Variants in TSGA10 observed in about 807,000 individuals in gnomAD.
TSGA10 encodes testis specific 10, also known as testis-specific gene 10 protein.
In TSGA10, 43 loss-of-function variants were observed where a neutral mutation model predicts 96.6. The observed-to-expected ratio is 0.44, with a 90% CI of 0.35 to 0.57. The LOEUF (loss-of-function observed/expected upper bound fraction) is 0.57, where lower values mean the gene tolerates loss of function less well. Ranked by LOEUF, TSGA10 falls within the 20% of genes least tolerant of loss-of-function variation. TSGA10 has a pLI of 0.01. For synonymous variants in TSGA10, 229 were observed against 269.9 expected, an observed-to-expected ratio of 0.85 and a Z score of 1.48; for missense variants, 703 against 834.4, an observed-to-expected ratio of 0.84 and a Z score of 1.94.
At chr2:99,129,877 A>G (rs182212949) in intron 1 of TSGA10, among the ~76,000 whole-genome samples, 10 of 152,294 alleles carry the variant, frequency 6.6e-5, no homozygotes, top group Non-Finnish European at 1.2e-4. Context: ...TATGAGTAAG[A>G]ACATGCTGTG....
chr2:99,061,878 A>G (rs940725762), intron 16 of TSGA10, among the ~76,000 whole-genome samples: 1 of 152,204 alleles, frequency 6.6e-6, no homozygotes, highest in East Asian at 1.9e-4. Flanking sequence ...ATCCAACATG[A>G]CTGGTGTCCT....
chr2:99,005,861 C>A (rs2078420563), intron 20 of TSGA10, among the ~76,000 whole-genome samples: 1 of 152,158 alleles, frequency 6.6e-6, no homozygotes, highest in Admixed American at 6.5e-5. Context: ...AAGAACAAAG[C>A]TGGAGGCATC....
At chr2:99,097,365 G>T (rs2090173881) in intron 10 of TSGA10, among the ~76,000 whole-genome samples, 1 of 152,066 alleles carries the variant, frequency 6.6e-6, no homozygotes, top group Non-Finnish European at 1.5e-5. Flanking sequence ...AAGAATAAAT[G>T]TACAGGTAAA....
intron 10 of TSGA10, among the ~76,000 whole-genome samples, chr2:99,087,063 G>A (rs936012279): frequency 9.2e-5 from 14 of 152,056 alleles, no homozygotes; most frequent in African/African-American, 1.2e-4. Flanking sequence ...AATTAGCCAC[G>A]TGTGGTGGTG....
In TSGA10 at chr2:99,020,413, T is replaced by C. The variant is rs187356110; in HGVS notation, c.1684A>G (p.Ile562Val). The C allele has an allele frequency of 1.9e-6, 3 of 1,613,816 alleles. No individual in the cohort carries two copies. The highest frequency in any genetic ancestry group is 3.3e-5 in the Admixed American group (2 of 60,008). The part of the protein sequence containing the change: ...LLRSQMANER[I>V]SMQNLEALLV... ...AAAGCTTCTAGATTCTGCATGGAGA[T>C]TCTCTCATTTGCCATCTGACTCCTC... is the stretch of plus-strand genomic sequence containing the variant. Residue 562 changes from isoleucine to valine, a missense_variant, in exon 18 of 21, where the codon ATC becomes GTC. Ile to Val is a conservative substitution (Grantham distance 29). This residue lies in a region of TSGA10 where 49 missense variants were observed against 96.4 expected (regional missense o/e 0.51). Coordinates refer to ENST00000393483, the MANE Select transcript of TSGA10 (RefSeq NM_025244.4).
chr2:99,040,854 G>T (rs1191198149), intron 16 of TSGA10, among the ~76,000 whole-genome samples: 4 of 152,032 alleles, frequency 2.6e-5, no homozygotes, highest in Non-Finnish European at 5.9e-5. Context: ...AGTTCGTCTT[G>T]ATTTAAAAAT....
intron 1 of TSGA10, among the ~76,000 whole-genome samples, chr2:99,152,372 G>A (rs546467166): frequency 2.0e-5 from 3 of 152,068 alleles, no homozygotes; most frequent in Admixed American, 6.5e-5. Context: ...GTGCAGTGTC[G>A]AATTCCTGTT....
rs533584148 is a variant in TSGA10 at position 99,119,164 on chromosome 2, A to G, written c.-491-478T>C. 3.3e-5 allele frequency among the ~76,000 whole-genome samples: 5 copies of G among 152,334 alleles called. No homozygotes were observed. In the South Asian group the frequency reaches 6.2e-4, roughly 19 times the overall value. The stretch of plus-strand genomic sequence containing the variant: ...ACAAAGTTGTCTTCAAAAAAACTTT[A>G]TAAGTTGTCACTACATAAAAATATC... On this transcript the variant is annotated intron_variant, in intron 2 of 20. Coordinates refer to ENST00000393483, the MANE Select transcript of TSGA10 (RefSeq NM_025244.4).
At chr2:99,103,317 G>T (rs890725582) in intron 10 of TSGA10, among the ~76,000 whole-genome samples, 5 of 152,116 alleles carry the variant, frequency 3.3e-5, no homozygotes, top group Admixed American at 6.6e-5. Context: ...TAGATGCAAT[G>T]AAATTCAACC....
intron 4 of TSGA10, among the ~76,000 whole-genome samples, chr2:99,111,428 T>G (rs1005643282): frequency 6.6e-5 from 10 of 152,154 alleles, no homozygotes; most frequent in Admixed American, 5.9e-4. Flanking sequence ...CATTATATGT[T>G]CCTACAGGAC....
rs934071909 is a variant in TSGA10 at position 99,127,133 on chromosome 2, G to T, written c.-577C>A. 1 of 1,289,362 alleles carries T rather than the reference G, an allele frequency of 7.8e-7. No individual in the cohort carries two copies. Among genetic ancestry groups the T allele is most frequent in the African/African-American group, 1.5e-5 (1 of 65,846 alleles). The allele number at this position is 1,289,362 out of a possible 1,614,324, so 79.9% of individuals were successfully genotyped here. A position where few individuals can be genotyped will look rare whatever the true frequency, so the allele number is the denominator to read the frequency against. ...AGTATTCTGGTAGTTTTCAGCTTCA[G>T]AAACTGGAGCCCCTAGACCAAAATC... On this transcript the variant is annotated 5_prime_UTR_variant, in exon 2 of 21. The change creates a new upstream start codon in the 5' untranslated region. Coordinates refer to ENST00000393483, the MANE Select transcript of TSGA10 (RefSeq NM_025244.4).
chr2:99,000,729 G>A (rs2077818423), intron 20 of TSGA10, among the ~76,000 whole-genome samples: 1 of 152,134 alleles, frequency 6.6e-6, no homozygotes, highest in African/African-American at 2.4e-5. Flanking sequence ...AGCGCAAGGG[G>A]TCGGGGAATT....
intron 17 of TSGA10, among the ~76,000 whole-genome samples, chr2:99,032,861 G>A (rs913683375): frequency 6.6e-6 from 1 of 152,222 alleles, no homozygotes; most frequent in Non-Finnish European, 1.5e-5. Context: ...ATGAGTCACC[G>A]TGGTATGCAA....
At chr2:99,024,774 T>C (rs372432181) in intron 17 of TSGA10, among the ~76,000 whole-genome samples, 2 of 152,218 alleles carry the variant, frequency 1.3e-5, no homozygotes, top group African/African-American at 4.8e-5. Context: ...GTGTTTGCTG[T>C]GGGTTTTTCA....
chr2:99,109,497 G>T lies in TSGA10; in HGVS notation c.-58C>A. ...GATCTTTGTCTGCTTCCAAAGTCTTGACAAAGGAATCAAGTCTAGAAGGAG... is the reference window on the plus strand; with the variant it reads ...GATCTTTGTCTGCTTCCAAAGTCTTTACAAAGGAATCAAGTCTAGAAGGAG... On this transcript the variant is annotated 5_prime_UTR_variant, in exon 6 of 21. Coordinates refer to ENST00000393483, the MANE Select transcript of TSGA10 (RefSeq NM_025244.4). 1 of 1,596,572 alleles carries T rather than the reference G, an allele frequency of 6.3e-7. No homozygotes were observed. Among genetic ancestry groups the T allele is most frequent in the South Asian group, 1.1e-5 (1 of 87,830 alleles).
rs548874994 is a variant in TSGA10, at chr2:99,033,334, C to T, written c.1614+1896G>A. Reference sequence around the variant, plus strand: ...GAGCAAACACGTCTTCTCTTATATACAGAAGTGAGATGACTTTCTAAAGGT... The same window carrying T: ...GAGCAAACACGTCTTCTCTTATATATAGAAGTGAGATGACTTTCTAAAGGT... On this transcript the variant is annotated intron_variant, in intron 17 of 20. Transcript: ENST00000393483. Among the ~76,000 whole-genome samples the T allele has an allele frequency of 4.6e-5, 7 of 152,302 alleles. No homozygotes were observed. The South Asian group carries it at 1.2e-3, about 27-fold the overall frequency.
At chr2:99,121,302 A>G (rs2092557449) in intron 2 of TSGA10, among the ~76,000 whole-genome samples, 2 of 152,040 alleles carry the variant, frequency 1.3e-5, no homozygotes, top group South Asian at 4.1e-4. Context: ...TGAGTGATCC[A>G]GTTTCTCCTC....
chr2:99,056,004 T>A (rs1338419145), intron 16 of TSGA10, among the ~76,000 whole-genome samples: 1 of 151,438 alleles, frequency 6.6e-6, no homozygotes, highest in Non-Finnish European at 1.5e-5. Flanking sequence ...GAGATCGAGA[T>A]CATCCTGGCT....
intron 10 of TSGA10, among the ~76,000 whole-genome samples, chr2:99,097,965 T>C (rs1446240748): frequency 6.6e-6 from 1 of 152,170 alleles, no homozygotes; most frequent in Non-Finnish European, 1.5e-5. Context: ...CACTTAGTAA[T>C]AGAAAAATTG....
Sources: gnomAD v4.1 joint callset for allele counts (sites outside exome capture counted in the v4.1 genomes callset) on GRCh38, gnomAD v4.1.1 for gene constraint, gnomAD v4.1.1 regional missense constraint, MANE v1.5 for transcripts, NCBI Gene and HGNC (gene_info 2026-07-23, HGNC 2026-07-21) for gene names.